The following PAPPA2 variants were observed in gnomAD, a reference collection of about 807,000 sequenced individuals.
The protein encoded by PAPPA2 is pappalysin 2.
A neutral mutation model predicts 176.4 loss-of-function variants in PAPPA2; 86 were observed. The observed-to-expected ratio is 0.49, with a 90% CI of 0.41 to 0.58. The LOEUF (loss-of-function observed/expected upper bound fraction) is 0.58, where lower values mean the gene tolerates loss of function less well. Among genes scored for constraint, PAPPA2 ranks in the 20% least tolerant of loss-of-function variants. The pLI is 0.00. For missense variants in PAPPA2, 2,073 were observed against 2,256.9 expected, an observed-to-expected ratio of 0.92 and a Z score of 1.65; for synonymous variants, 809 against 852.2, an observed-to-expected ratio of 0.95 and a Z score of 0.88.
chr1:176,706,848 T>A (rs1213823992), intron 10 of PAPPA2, among the ~76,000 whole-genome samples: 1 of 152,204 alleles, frequency 6.6e-6, no homozygotes, highest in African/African-American at 2.4e-5. Context: ...TCAAATGGAC[T>A]CTACATACAA....
At chr1:176,631,267 C>G (rs1656324240) in intron 3 of PAPPA2, among the ~76,000 whole-genome samples, 1 of 151,980 alleles carries the variant, frequency 6.6e-6, no homozygotes, top group Admixed American at 6.6e-5. Context: ...TGAAAACATG[C>G]CAAATGAAAG....
chr1:176,595,728 T>A, intron 3 of PAPPA2, 133 bp downstream of exon 3: 2 of 898,462 alleles, frequency 2.2e-6, no homozygotes, highest in Non-Finnish European at 3.3e-6. Flanking sequence ...CAGACAGTAT[T>A]AAGCTTTTGT....
chr1:176,610,358 A>G (rs1440879382), intron 3 of PAPPA2, among the ~76,000 whole-genome samples: 12 of 150,846 alleles, frequency 8.0e-5, no homozygotes, highest in Admixed American at 7.9e-4. Flanking sequence ...GGGGGGGAGT[A>G]GGATTTATAG....
chr1:176,476,938 G>A (rs1434756389), intron 1 of PAPPA2, among the ~76,000 whole-genome samples: 1 of 152,132 alleles, frequency 6.6e-6, no homozygotes, highest in Admixed American at 6.5e-5. Context: ...TGGACCTGAT[G>A]CCATGTTGGT....
At chr1:176,518,512 T>TA (rs1649044006) in intron 1 of PAPPA2, among the ~76,000 whole-genome samples, 1 of 151,914 alleles carries the variant, frequency 6.6e-6, no homozygotes. Flanking sequence ...TTCAGGCCTT[T>TA]AAGTTTGACT....
At chr1:176,802,673 T>C (rs1183740962) in intron 21 of PAPPA2, among the ~76,000 whole-genome samples, 1 of 152,200 alleles carries the variant, frequency 6.6e-6, no homozygotes, top group Non-Finnish European at 1.5e-5. Flanking sequence ...CTAAGAGGCC[T>C]CCTTTTAATA....
intron 9 of PAPPA2, among the ~76,000 whole-genome samples, chr1:176,706,100 G>C (rs1344263888): frequency 2.0e-4 from 31 of 152,104 alleles, no homozygotes. Context: ...AGATGTTTCT[G>C]AGCCATGAGC....
intron 3 of PAPPA2, among the ~76,000 whole-genome samples, chr1:176,660,871 A>AT (rs532086477): frequency 2.0e-5 from 3 of 152,118 alleles, no homozygotes; most frequent in Admixed American, 1.3e-4. Context: ...ATTTCTGGGA[A>AT]TTGACATTGA....
At chr1:176,643,717 CAA>C (rs1657229855) in intron 3 of PAPPA2, among the ~76,000 whole-genome samples, 1 of 151,824 alleles carries the variant, frequency 6.6e-6, no homozygotes, top group Non-Finnish European at 1.5e-5. Flanking sequence ...AGGGAGACCA[CAA>C]AAGAGTGAGT....
intron 3 of PAPPA2, among the ~76,000 whole-genome samples, chr1:176,612,425 G>A (rs58232567): frequency 0.056 from 8,562 of 151,832 alleles, 347 homozygotes; most frequent in East Asian, 0.21. Flanking sequence ...AAACAACAAC[G>A]ACAGCAAAAA....
At chr1:176,505,824 A>G (rs1648229272) in intron 1 of PAPPA2, among the ~76,000 whole-genome samples, 3 of 152,072 alleles carry the variant, frequency 2.0e-5, no homozygotes. Flanking sequence ...AGGTTCAAAA[A>G]TATCACAGGG....
chr1:176,833,838 A>G (rs1014718), intron 21 of PAPPA2, among the ~76,000 whole-genome samples: 118,554 of 151,852 alleles, frequency 0.78, 46,759 homozygotes, highest in African/African-American at 0.9. Flanking sequence ...ATATGTGTAT[A>G]TGTGTCTGTG....
intron 20 of PAPPA2, among the ~76,000 whole-genome samples, chr1:176,796,324 A>G (rs1665423517): frequency 6.6e-6 from 1 of 152,224 alleles, no homozygotes. Context: ...CTAAATAAAC[A>G]TGCAAAGGAT....
At chr1:176,722,874 T>A (rs1663245570) in intron 12 of PAPPA2, among the ~76,000 whole-genome samples, 1 of 152,236 alleles carries the variant, frequency 6.6e-6, no homozygotes, top group East Asian at 1.9e-4. Flanking sequence ...GGAATTACTT[T>A]AATATATGTC....
intron 2 of PAPPA2, among the ~76,000 whole-genome samples, chr1:176,585,308 A>T (rs573775096): frequency 6.6e-6 from 1 of 151,944 alleles, no homozygotes. Flanking sequence ...TAGTACTTCG[A>T]ATATTTCATT....
rs762510082 is a variant in PAPPA2 at position 176,498,751 on chromosome 1, C to CACAAAAAAAAAAAAA, written c.-917+35334_-917+35335insCAAAAAAAAAAAAAA. ...GGCGACAGAGCGAGACTCTTACCTC[C>CACAAAAAAAAAAAAA]AAAAAAAAAAAAAAAGAAGAAGAAA... On this transcript the variant is annotated intron_variant, in intron 1 of 22. Transcript: ENST00000367662. 4.1e-4 allele frequency among the ~76,000 whole-genome samples: 46 copies of CACAAAAAAAAAAAAA among 112,118 alleles called. 1 individual carries two copies. Among genetic ancestry groups the CACAAAAAAAAAAAAA allele is most frequent in the Middle Eastern group, 4.9e-3 (1 of 204 alleles). 73.6% of individuals were successfully genotyped at this position (112,118 alleles called of 152,430 possible).
At chr1:176,672,067 TAAAATAAA>T (rs1281961035) in intron 4 of PAPPA2, among the ~76,000 whole-genome samples, 4 of 149,744 alleles carry the variant, frequency 2.7e-5, no homozygotes, top group Non-Finnish European at 5.9e-5. Context: ...ATAATAATAA[TAAAATAAA>T]AAAATAAAAA....
intron 17 of PAPPA2, among the ~76,000 whole-genome samples, chr1:176,777,754 A>G (rs776975982): frequency 6.6e-6 from 1 of 152,124 alleles, no homozygotes; most frequent in East Asian, 1.9e-4. Flanking sequence ...GAGATAATAG[A>G]TGGAAAGAAC....
chr1:176,816,152 GTATATATATATATATATATATA>G (rs373739173), intron 21 of PAPPA2, among the ~76,000 whole-genome samples: 135 of 42,280 alleles, frequency 3.2e-3, no homozygotes, highest in South Asian at 0.012. Context: ...CTTTCACAGT[GTATATATATATATATATATATA>G]TATATATATA....
Sources: gnomAD v4.1 joint callset for allele counts (sites outside exome capture counted in the v4.1 genomes callset) on GRCh38, gnomAD v4.1.1 for gene constraint, MANE v1.5 for transcripts, NCBI Gene and HGNC (gene_info 2026-07-23, HGNC 2026-07-21) for gene names.